The following ATMIN variants were observed in gnomAD, a reference collection of about 807,000 sequenced individuals.
ATMIN encodes the protein ATM INteracting protein.
Under a neutral mutation model 49.2 loss-of-function variants are expected in ATMIN, and 24 were observed. The ratio of observed to expected loss-of-function variants is 0.49; its 90% confidence interval spans 0.35 to 0.69. The LOEUF (loss-of-function observed/expected upper bound fraction) is 0.69. ATMIN is among the 30% of genes least tolerant of loss of function. The probability of loss-of-function intolerance (pLI) is 0.00; values close to 1 mark genes in which losing one functional copy is unlikely to be tolerated. For synonymous variants in ATMIN, 450 were observed against 392.5 expected (o/e 1.15, Z -1.73); for missense variants, 1,037 against 1,005.5 (o/e 1.03, Z -0.42).
rs1555524291 is a variant in ATMIN, at chr16:81,035,880, T to TCGGAGG, written c.14_19dup (p.Glu5_Ala6dup). 2.6e-5 allele frequency: 25 copies of TCGGAGG among 954,486 alleles called. No individual in the cohort carries two copies. Among genetic ancestry groups the TCGGAGG allele is most frequent in the Admixed American group, 6.3e-5 (1 of 15,860 alleles). The allele number at this position is 954,486 out of a possible 1,614,324, so 59.1% of individuals were successfully genotyped here. A position where few individuals can be genotyped will look rare whatever the true frequency, so the allele number is the denominator to read the frequency against. The stretch of plus-strand genomic sequence containing the variant: ...CGGCCGTGCGGGAGCCATGGCGGCC[T>TCGGAGG]CGGAGGCGGCGGCGGCGGCGGGGTC... On this transcript the variant is annotated inframe_insertion, in exon 1 of 4. Transcript: ENST00000299575.
At chr16:81,037,127 C>T in intron 1 of ATMIN, 7 of 967,954 alleles carry the variant, frequency 7.2e-6, no homozygotes, top group South Asian at 4.8e-5. Context: ...AGCCCCACCC[C>T]GGACCTGTTA....
At chr16:81,041,208 C>CT in intron 1 of ATMIN, 148 bp from the exon 2 acceptor site, 1 of 831,752 alleles carries the variant, frequency 1.2e-6, no homozygotes, top group Non-Finnish European at 1.8e-6. Context: ...TACTCATACT[C>CT]TTTTTCTCTT....
Position 81,043,530 on chromosome 16 carries a change from G to T in ATMIN, c.1032G>T (p.Met344Ile), listed in dbSNP as rs1971070840. The T allele has an allele frequency of 6.2e-7, 1 of 1,614,076 alleles. No individual in the cohort carries two copies. Residue 344 changes from methionine (M) to isoleucine (I), a missense_variant, in exon 4 of 4, where the codon ATG (methionine) becomes ATT (isoleucine). Met to Ile is a conservative substitution (Grantham distance 10). Coordinates refer to ENST00000299575, the MANE Select transcript of ATMIN (RefSeq NM_015251.3). ...QGSATGAVHL[M>I]PLSVGTLILG... ...CTGCCACAGGGGCTGTGCACTTAAT[G>T]CCCTTGTCAGTAGGAACCCTGATCC...
At chr16:81,036,322 G>GCTGCCC in intron 1 of ATMIN, 116 bp downstream of exon 1, 1 of 985,262 alleles carries the variant, frequency 1.0e-6, no homozygotes, top group Non-Finnish European at 1.2e-6. Context: ...TGCCGCTGCC[G>GCTGCCC]CTGCCCCACC....
Position 81,036,080 on chromosome 16 carries a change from G to C in ATMIN, c.210G>C (p.Gln70His). Residue 70 changes from glutamine (Q) to histidine (H), a missense_variant, in exon 1 of 4, where the codon CAG (glutamine) becomes CAC (histidine). Physicochemically the swap from Gln to His is conservative, Grantham distance 24 (BLOSUM62 0). Coordinates refer to ENST00000299575, the MANE Select transcript of ATMIN (RefSeq NM_015251.3). ...VPAPPAGELI[Q>H]PSVSELSRAV... ...CGCCGCCGGCGGGGGAGCTGATCCA[G>C]CCGTCGGTGAGCGAGCTGTCCCGGG... 1 of 1,341,600 alleles carries C rather than the reference G, an allele frequency of 7.5e-7. No individual in the cohort carries two copies. The highest frequency in any genetic ancestry group is 1.9e-5 in the South Asian group (1 of 52,634). 83.1% of individuals were successfully genotyped at this position (1,341,600 alleles called of 1,614,324 possible). A position where few individuals can be genotyped will look rare whatever the true frequency, so the allele number is the denominator to read the frequency against.
In ATMIN at chr16:81,045,014, C is replaced by A. The variant is rs760010810; in HGVS notation, c.*44C>A. 42 of 1,576,592 alleles carry A rather than the reference C, an allele frequency of 2.7e-5. No homozygotes were observed. The highest frequency in any genetic ancestry group is 1.6e-4 in the African/African-American group (12 of 73,638). On this transcript the variant is annotated 3_prime_UTR_variant, in exon 4 of 4. Transcript: ENST00000299575. ...TGTGTGAAATGGCATCTACCATTTC[C>A]TCTGGATTAAAACTACGGACTGGGG...
chr16:81,037,234 C>T, intron 1 of ATMIN: 1 of 985,464 alleles, frequency 1.0e-6, no homozygotes, highest in Non-Finnish European at 1.2e-6. Flanking sequence ...GAAAGCAGTT[C>T]TGCGAATATG....
chr16:81,037,565 T>G, intron 1 of ATMIN: 1 of 879,212 alleles, frequency 1.1e-6, no homozygotes, highest in Non-Finnish European at 1.4e-6. Flanking sequence ...ACTCTGGGAA[T>G]GGCTTTCAAC....
At chr16:81,036,266 CGCCGGCGCGCGAA>C in intron 1 of ATMIN, 60 bp downstream of exon 1, 1 of 1,169,858 alleles carries the variant, frequency 8.5e-7, no homozygotes, top group Non-Finnish European at 1.1e-6. Context: ...AAGCGCCCGG[CGCCGGCGCGCGAA>C]GCCGGCCTCG....
chr16:81,041,261 C>T (rs1971032289), intron 1 of ATMIN, 95 bp from the exon 2 acceptor site: 1 of 1,357,018 alleles, frequency 7.4e-7, no homozygotes, highest in Non-Finnish European at 1.0e-6. Context: ...AAAAGTATTT[C>T]ACAAAATGTG....
rs1971072487 is a variant in ATMIN at position 81,043,627 on chromosome 16, G to C, written c.1129G>C (p.Gly377Arg). ...PLFKIANPIA[G>R]EPISTGVQVN... ...TTTCAAAATTGCTAATCCTATTGCTGGTGAGCCAATAAGTACTGGTGTTCA... is the reference window on the plus strand; with the variant it reads ...TTTCAAAATTGCTAATCCTATTGCTCGTGAGCCAATAAGTACTGGTGTTCA... Residue 377 changes from glycine (G) to arginine (R), a missense_variant, in exon 4 of 4, where the codon GGT (glycine) becomes CGT (arginine). By Grantham distance (125) the Gly-to-Arg change is moderately radical (BLOSUM62 -2). Transcript: ENST00000299575. 6.2e-7 allele frequency: 1 copy of C among 1,614,046 alleles called. No individual in the cohort carries two copies. The highest frequency in any genetic ancestry group is 8.5e-7 in the Non-Finnish European group (1 of 1,180,046).
At position 81,043,846 on chromosome 16, in the gene ATMIN, CAAGT is replaced by C. The variant is rs1567565221; in HGVS notation, c.1349_1352del (p.Gln450ArgfsTer18). 1 of 1,614,184 alleles carries C rather than the reference CAAGT, an allele frequency of 6.2e-7. No homozygotes were observed. The highest frequency in any genetic ancestry group is 1.7e-5 in the Admixed American group (1 of 60,030). ...TCAAACTGATTTGTCGTTTGATTCT[CAAGT>C]GTCTCTTCCCATTAGTGTTCACACT... On this transcript the variant is annotated frameshift_variant, in exon 4 of 4. Coordinates refer to ENST00000299575, the MANE Select transcript of ATMIN (RefSeq NM_015251.3). LOFTEE classifies it high-confidence loss of function.
rs1971102370 is a variant in ATMIN at position 81,045,455 on chromosome 16, A to C, written c.*485A>C. The C allele has an allele frequency of 6.4e-6, 1 of 155,918 alleles. No individual in the cohort carries two copies. Among genetic ancestry groups the C allele is most frequent in the African/African-American group, 2.4e-5 (1 of 41,468 alleles). The allele number at this position is 155,918 out of a possible 1,614,324, so 9.7% of individuals were successfully genotyped here. On this transcript the variant is annotated 3_prime_UTR_variant, in exon 4 of 4. Transcript: ENST00000299575. The stretch of plus-strand genomic sequence containing the variant: ...GATGCTGCCACCGTAGGATTTAAGC[A>C]GTAGTGCTTCCATGCTCTTAAGACT...
intron 1 of ATMIN, among the ~76,000 whole-genome samples, chr16:81,038,541 G>A (rs1382952869): frequency 1.3e-5 from 2 of 152,122 alleles, no homozygotes; most frequent in East Asian, 1.9e-4. Context: ...GCAGTGCCCA[G>A]TGGCCCCTGA....
chr16:81,036,345 C>T, intron 1 of ATMIN, 139 bp downstream of exon 1: 1 of 860,634 alleles, frequency 1.2e-6, no homozygotes, highest in Non-Finnish European at 1.4e-6. Context: ...CCTCTGCCCT[C>T]CCCGGCCGGA....
At position 81,042,301 on chromosome 16, in the gene ATMIN, T is replaced by G; in HGVS notation, c.483T>G (p.Ala161=). The change falls in exon 3 of 4, where the codon GCT becomes GCG. Residue 161 remains alanine, a synonymous_variant. Transcript: ENST00000299575. The part of the protein sequence containing the change: ...LVKQHFMKMH[A]EKKHKCSKCS... ...CCTAGCACTTTATGAAAATGCATGC[T>G]GAGAAGAAGCACAAATGTAGTAAGT... The G allele has an allele frequency of 6.2e-7, 1 of 1,613,530 alleles. No homozygotes were observed. The highest frequency in any genetic ancestry group is 2.2e-5 in the East Asian group (1 of 44,882).
chr16:81,035,943 GC>G lies in ATMIN; in HGVS notation c.75del (p.Thr26ArgfsTer19). On this transcript the variant is annotated frameshift_variant, in exon 1 of 4. Coordinates refer to ENST00000299575, the MANE Select transcript of ATMIN (RefSeq NM_015251.3). LOFTEE classifies it high-confidence loss of function. ...LAAGARAVPA[A>X]TTGAAAAASG... The stretch of plus-strand genomic sequence containing the variant: ...GGCGGGTGCCCGGGCCGTCCCGGCG[GC>G]CACGACAGGAGCCGCCGCCGCCGCC... 1 of 1,007,248 alleles carries G rather than the reference GC, an allele frequency of 9.9e-7. No homozygotes were observed. The highest frequency in any genetic ancestry group is 1.2e-6 in the Non-Finnish European group (1 of 845,812). The allele number at this position is 1,007,248 out of a possible 1,614,324, so 62.4% of individuals were successfully genotyped here. A position where few individuals can be genotyped will look rare whatever the true frequency, so the allele number is the denominator to read the frequency against.
At position 81,046,275 on chromosome 16, in the gene ATMIN, A is replaced by G. The variant is rs868764476; in HGVS notation, c.*1305A>G. 5.3e-5 allele frequency: 8 copies of G among 152,200 alleles called. No individual in the cohort carries two copies. Among genetic ancestry groups the G allele is most frequent in the African/African-American group, 1.9e-4 (8 of 41,452 alleles). The allele number at this position is 152,200 out of a possible 1,614,324, so 9.4% of individuals were successfully genotyped here. A position where few individuals can be genotyped will look rare whatever the true frequency, so the allele number is the denominator to read the frequency against. On this transcript the variant is annotated 3_prime_UTR_variant, in exon 4 of 4. Transcript: ENST00000299575. ...GGTTTCAATACTTTGCACTTCTACTAAGCTTGATAGGGCAGGAGTGCAATC... is the reference window on the plus strand; with the variant it reads ...GGTTTCAATACTTTGCACTTCTACTGAGCTTGATAGGGCAGGAGTGCAATC...
rs1286285144 is a variant in ATMIN at position 81,043,610 on chromosome 16, T to C, written c.1112T>C (p.Ile371Thr). 6.2e-7 allele frequency: 1 copy of C among 1,614,082 alleles called. No homozygotes were observed. The highest frequency in any genetic ancestry group is 8.5e-7 in the Non-Finnish European group (1 of 1,180,046). ...SLKESLPLFK[I>T]ANPIAGEPIS... ...AAGGAGAGCCTACCTCTTTTCAAAATTGCTAATCCTATTGCTGGTGAGCCA... is the reference window on the plus strand; with the variant it reads ...AAGGAGAGCCTACCTCTTTTCAAAACTGCTAATCCTATTGCTGGTGAGCCA... The change falls in exon 4 of 4, where the codon ATT (isoleucine) becomes ACT (threonine). Residue 371 changes from isoleucine to threonine, a missense_variant. Coordinates refer to ENST00000299575, the MANE Select transcript of ATMIN (RefSeq NM_015251.3).
Sources: gnomAD v4.1 joint callset for allele counts (sites outside exome capture counted in the v4.1 genomes callset) on GRCh38, gnomAD v4.1.1 for gene constraint, MANE v1.5 for transcripts, NCBI Gene and HGNC (gene_info 2026-07-23, HGNC 2026-07-21) for gene names.